The following TSC22D3 variants were observed in gnomAD, a reference collection of about 807,000 sequenced individuals.
The protein encoded by TSC22D3 is TSC22 domain family member 3, also known as TSC22 domain family protein 3.
A neutral mutation model predicts 11.1 loss-of-function variants in TSC22D3; 4 were observed. The observed-to-expected ratio is 0.36, with a 90% confidence interval of 0.18 to 0.83. The LOEUF (loss-of-function observed/expected upper bound fraction) is 0.83, where lower values mean the gene tolerates loss of function less well. Among genes scored for constraint, TSC22D3 ranks in the 40% least tolerant of loss-of-function variants. The pLI, the probability that TSC22D3 is intolerant of heterozygous loss-of-function variation, is 0.48. For synonymous variants in TSC22D3, 77 were observed against 70.3 expected, an observed-to-expected ratio of 1.10 and a Z score of -0.48; for missense variants, 118 against 159.4, an observed-to-expected ratio of 0.74 and a Z score of 1.40.
chrX:107,762,135 C>A (rs960812331), intron 1 of TSC22D3, among the ~76,000 whole-genome samples: 6 of 112,118 alleles, frequency 5.4e-5, no homozygotes, highest in Non-Finnish European at 9.4e-5. Context: ...CAGTTTGTAT[C>A]CCCTATATCT....
chrX:107,743,406 G>T (rs1285512199), intron 1 of TSC22D3, among the ~76,000 whole-genome samples: 10 of 112,270 alleles, frequency 8.9e-5, no homozygotes, highest in African/African-American at 3.2e-4. Flanking sequence ...CCCACAGTGA[G>T]GAAGAGACTT....
intron 1 of TSC22D3, among the ~76,000 whole-genome samples, chrX:107,729,965 T>G (rs1927810391): frequency 8.9e-6 from 1 of 112,366 alleles, no homozygotes; most frequent in African/African-American, 3.2e-5. Context: ...AATTTTAACT[T>G]AACAAGAGGG....
At position 107,714,608 on chromosome X, in the gene TSC22D3, G is replaced by A. The variant is rs1231241516; in HGVS notation, c.514C>T (p.Leu172=). Residue 172 remains leucine, a synonymous_variant, in exon 3 of 3, where the codon CTG becomes TTG. Coordinates refer to ENST00000372383, the MANE Select transcript of TSC22D3 (RefSeq NM_198057.3). ...CTCAGACAGGACTGGAACTTCTCCAGCTGCTCTGGGCTTGCCAGGGTCTTC... is the reference window on the plus strand; with the variant it reads ...CTCAGACAGGACTGGAACTTCTCCAACTGCTCTGGGCTTGCCAGGGTCTTC... ...LLKTLASPEQ[L]EKFQSCLSPE... The A allele has an allele frequency of 8.3e-7, 1 of 1,211,484 alleles. No individual in the cohort carries two copies. Among genetic ancestry groups the A allele is most frequent in the Non-Finnish European group, 1.1e-6 (1 of 895,438 alleles).
At chrX:107,765,807 T>C (rs1040863404) in intron 1 of TSC22D3, among the ~76,000 whole-genome samples, 1 of 112,054 alleles carries the variant, frequency 8.9e-6, no homozygotes. Flanking sequence ...CAAAGGAAAA[T>C]TCTGCATCTC....
At chrX:107,761,628 C>T (rs1929440361) in intron 1 of TSC22D3, among the ~76,000 whole-genome samples, 1 of 111,845 alleles carries the variant, frequency 8.9e-6, no homozygotes, top group African/African-American at 3.3e-5. Context: ...ATCCTATACA[C>T]CTGGCAAGTG....
Position 107,736,798 on chromosome X carries a change from T to C in TSC22D3, c.321-20848A>G, listed in dbSNP as rs760184322. Among the ~76,000 whole-genome samples the C allele has an allele frequency of 7.7e-4, 86 of 111,183 alleles. 1 individual carries two copies. Among genetic ancestry groups the C allele is most frequent in the Non-Finnish European group, 1.3e-3 (68 of 52,962 alleles). On this transcript the variant is annotated intron_variant, in intron 1 of 2. Transcript: ENST00000372383. ...GTCACACAATGTCCCTGGGGAAAAG[T>C]AGAAGGAGCTGAGAGGCCTGGAACC...
chrX:107,755,616 A>C (rs1044170184), intron 1 of TSC22D3, among the ~76,000 whole-genome samples: 2 of 112,483 alleles, frequency 1.8e-5, no homozygotes, highest in African/African-American at 6.5e-5. Context: ...TCCTGGTAGA[A>C]GTGGGAACTC....
At chrX:107,716,596 C>G in intron 1 of TSC22D3, 1 of 1,010,783 alleles carries the variant, frequency 9.9e-7, no homozygotes, top group Non-Finnish European at 1.3e-6. Context: ...GAACAGGGAC[C>G]GGCGGCACAC....
chrX:107,770,622 C>T (rs924138165), intron 1 of TSC22D3, among the ~76,000 whole-genome samples: 8 of 111,508 alleles, frequency 7.2e-5, no homozygotes, highest in South Asian at 3.7e-4. Flanking sequence ...GAAGGGAAAT[C>T]GGATTCAGAG....
intron 1 of TSC22D3, among the ~76,000 whole-genome samples, chrX:107,761,722 C>G (rs7065068): frequency 0.017 from 1,922 of 111,747 alleles, 42 homozygotes; most frequent in African/African-American, 0.059. Flanking sequence ...CTAAATCAAG[C>G]CTGCCTGATC....
At chrX:107,772,627 G>A (rs1446101805) in intron 1 of TSC22D3, among the ~76,000 whole-genome samples, 9 of 110,481 alleles carry the variant, frequency 8.1e-5, no homozygotes, top group South Asian at 7.8e-4. Context: ...TGGGCAGGTC[G>A]CTTAAGCCCA....
At chrX:107,740,139 G>A (rs1197579681) in intron 1 of TSC22D3, among the ~76,000 whole-genome samples, 1 of 112,173 alleles carries the variant, frequency 8.9e-6, no homozygotes, top group Admixed American at 9.4e-5. Flanking sequence ...CTTACCCAAA[G>A]TCATACCGGG....
At chrX:107,730,525 C>A (rs772774005) in intron 1 of TSC22D3, among the ~76,000 whole-genome samples, 8 of 111,461 alleles carry the variant, frequency 7.2e-5, no homozygotes, top group African/African-American at 2.6e-4. Context: ...TAAGCCCCCC[C>A]GGAATGCCAG....
chrX:107,756,014 G>A (rs915709271), intron 1 of TSC22D3, among the ~76,000 whole-genome samples: 8 of 111,851 alleles, frequency 7.2e-5, no homozygotes, highest in African/African-American at 2.3e-4. Context: ...TATAAAAATA[G>A]CAGGTTGCTC....
chrX:107,729,977 A>G (rs886467722), intron 1 of TSC22D3, among the ~76,000 whole-genome samples: 6 of 112,703 alleles, frequency 5.3e-5, no homozygotes, highest in African/African-American at 1.9e-4. Flanking sequence ...ACAAGAGGGC[A>G]GGGATGGACA....
At chrX:107,771,869 CTA>C (rs1569455706) in intron 1 of TSC22D3, among the ~76,000 whole-genome samples, 1 of 112,405 alleles carries the variant, frequency 8.9e-6, no homozygotes, top group Non-Finnish European at 1.9e-5. Context: ...TTCCATCAGG[CTA>C]TGAGAGTTAC....
At chrX:107,723,897 C>G (rs1402195232) in intron 1 of TSC22D3, among the ~76,000 whole-genome samples, 2 of 112,272 alleles carry the variant, frequency 1.8e-5, no homozygotes, top group African/African-American at 6.5e-5. Flanking sequence ...GCACCTGCCT[C>G]CATTGTGGGC....
At position 107,714,167 on chromosome X, in the gene TSC22D3, C is replaced by T; in HGVS notation, c.*352G>A. The T allele has an allele frequency of 5.7e-6, 1 of 174,475 alleles. No individual in the cohort carries two copies. The allele number at this position is 174,475 out of a possible 1,213,427, so 14.4% of individuals were successfully genotyped here. On this transcript the variant is annotated 3_prime_UTR_variant, in exon 3 of 3. Coordinates refer to ENST00000372383, the MANE Select transcript of TSC22D3 (RefSeq NM_198057.3). ...GATGTCCATGGAGATGAGAAACAGA[C>T]CCCTTAAACTTTCTGGAGCAAACTG...
chrX:107,721,194 T>C (rs1043205250), intron 1 of TSC22D3, among the ~76,000 whole-genome samples: 22 of 111,799 alleles, frequency 2.0e-4, no homozygotes, highest in African/African-American at 6.8e-4. Flanking sequence ...ACCTTCTAGA[T>C]GGAGGGTGGC....
Sources: allele counts gnomAD v4.1 joint callset (sites outside exome capture counted in the v4.1 genomes callset), GRCh38; gene constraint gnomAD v4.1.1; transcripts MANE v1.5; gene names NCBI Gene and HGNC (gene_info 2026-07-23, HGNC 2026-07-21).